CSMD1: variants seen among roughly 807,000 people sequenced by gnomAD.
The protein encoded by CSMD1 is CUB and Sushi multiple domains 1, also known as CUB and sushi domain-containing protein 1.
CSMD1 carries 213 observed loss-of-function variants against 417.5 expected under a neutral mutation model. The observed-to-expected ratio is 0.51, with a 90% confidence interval of 0.46 to 0.57. CSMD1 has a LOEUF of 0.57. Ranked by LOEUF, CSMD1 falls within the 20% of genes least tolerant of loss-of-function variation. The pLI is 0.00. For missense variants in CSMD1, 6,923 were observed against 4,529.7 expected (o/e 1.53, Z -15.17); for synonymous variants, 2,862 against 1,736.8 (o/e 1.65, Z -16.11).
At chr8:3,866,902 G>A (rs1048153163) in intron 5 of CSMD1, among the ~76,000 whole-genome samples, 1 of 152,164 alleles carries the variant, frequency 6.6e-6, no homozygotes, top group African/African-American at 2.4e-5. Context: ...ACATGGTGAT[G>A]TTTTCATACT....
intron 49 of CSMD1, among the ~76,000 whole-genome samples, chr8:3,061,832 G>T (rs569403444): frequency 6.6e-6 from 1 of 152,108 alleles, no homozygotes; most frequent in Admixed American, 6.5e-5. Flanking sequence ...CTACAAGATA[G>T]ACTCTATTTT....
At chr8:3,830,514 C>T (rs1457242503) in intron 5 of CSMD1, among the ~76,000 whole-genome samples, 1 of 152,192 alleles carries the variant, frequency 6.6e-6, no homozygotes, top group East Asian at 1.9e-4. Flanking sequence ...GTTGTGAAGA[C>T]TGTTATGTCC....
In CSMD1 at chr8:3,230,015, A is replaced by G. The variant is rs752110852; in HGVS notation, c.4345+25T>C. On this transcript the variant is annotated intron_variant, in intron 27 of 69. Transcript: ENST00000635120. Reference sequence around the variant, plus strand: ...ACATGCATCCATTCCTGAATATAAAATTTCTAAGTTCTGTTGTCTGATACC... The same window carrying G: ...ACATGCATCCATTCCTGAATATAAAGTTTCTAAGTTCTGTTGTCTGATACC... 16 of 1,475,998 alleles carry G rather than the reference A, an allele frequency of 1.1e-5. No individual in the cohort carries two copies. The East Asian group carries it at 3.6e-4, about 33-fold the overall frequency. The allele number at this position is 1,475,998 out of a possible 1,614,324, so 91.4% of individuals were successfully genotyped here.
At chr8:3,258,424 A>C (rs1210469211) in intron 26 of CSMD1, among the ~76,000 whole-genome samples, 2 of 152,352 alleles carry the variant, frequency 1.3e-5, no homozygotes, top group South Asian at 2.1e-4. Flanking sequence ...AATGGCTATT[A>C]CTGAAAAACC....
intron 7 of CSMD1, among the ~76,000 whole-genome samples, chr8:3,688,924 A>C (rs909399352): frequency 4.3e-4 from 66 of 152,200 alleles, no homozygotes; most frequent in African/African-American, 1.5e-3. Context: ...AAGTTAAAAA[A>C]AGTGAAAATT....
intron 3 of CSMD1, among the ~76,000 whole-genome samples, chr8:4,415,492 C>T (rs1796884548): frequency 6.6e-6 from 1 of 152,074 alleles, no homozygotes; most frequent in African/African-American, 2.4e-5. Flanking sequence ...TCTACATGGC[C>T]CACGTAGACC....
intron 3 of CSMD1, among the ~76,000 whole-genome samples, chr8:4,104,708 G>A (rs139077456): frequency 6.6e-6 from 1 of 152,188 alleles, no homozygotes; most frequent in Non-Finnish European, 1.5e-5. Context: ...CACAATAGCT[G>A]GCAACAGTCC....
chr8:4,240,701 A>G (rs1200784985), intron 3 of CSMD1, among the ~76,000 whole-genome samples: 1 of 152,188 alleles, frequency 6.6e-6, no homozygotes, highest in Admixed American at 6.5e-5. Context: ...ATGTACCACA[A>G]TTTAAAAAAT....
chr8:4,711,519 T>A (rs1808294862), intron 1 of CSMD1, among the ~76,000 whole-genome samples: 1 of 151,536 alleles, frequency 6.6e-6, no homozygotes, highest in Non-Finnish European at 1.5e-5. Context: ...GGGACATCTG[T>A]CCTGAAAAAA....
intron 2 of CSMD1, among the ~76,000 whole-genome samples, chr8:4,610,231 G>A (rs1051109777): frequency 4.6e-5 from 7 of 152,120 alleles, no homozygotes; most frequent in Admixed American, 3.9e-4. Flanking sequence ...AAGAAAGAGA[G>A]ACTAAATCCT....
At chr8:4,269,512 T>TA (rs1371006841) in intron 3 of CSMD1, among the ~76,000 whole-genome samples, 1 of 152,226 alleles carries the variant, frequency 6.6e-6, no homozygotes, top group Non-Finnish European at 1.5e-5. Context: ...AGCATGTTTT[T>TA]ATCTAACTAA....
intron 1 of CSMD1, among the ~76,000 whole-genome samples, chr8:4,799,611 AAAAAAAAAAAAAAAAAAG>A: frequency 6.7e-6 from 1 of 150,314 alleles, no homozygotes; most frequent in South Asian, 2.1e-4. Flanking sequence ...AAAAAAAAAA[AAAAAAAAAAAAAAAAAAG>A]TAATCCCTGG....
At chr8:3,309,482 A>G (rs1805157064) in intron 23 of CSMD1, among the ~76,000 whole-genome samples, 3 of 152,236 alleles carry the variant, frequency 2.0e-5, no homozygotes, top group Non-Finnish European at 1.5e-5. Context: ...GAAATAGATG[A>G]CAGAAATGAA....
intron 7 of CSMD1, among the ~76,000 whole-genome samples, chr8:3,662,172 A>C (rs1303922120): frequency 6.6e-6 from 1 of 152,224 alleles, no homozygotes; most frequent in Non-Finnish European, 1.5e-5. Context: ...TCACCAAGGA[A>C]AAGGTGTAAA....
chr8:3,515,436 T>G (rs1161601549), intron 10 of CSMD1: 1 of 152,228 alleles, frequency 6.6e-6, no homozygotes, highest in Non-Finnish European at 1.5e-5. Flanking sequence ...ACAAATTTGC[T>G]AACTAGAGAT....
intron 12 of CSMD1, among the ~76,000 whole-genome samples, chr8:3,427,191 C>A (rs1048986643): frequency 6.6e-6 from 1 of 152,074 alleles, no homozygotes; most frequent in African/African-American, 2.4e-5. Context: ...GCAGACTCAG[C>A]CAAACTATAT....
chr8:4,934,548 C>A (rs66508847), intron 1 of CSMD1, among the ~76,000 whole-genome samples: 3 of 151,844 alleles, frequency 2.0e-5, no homozygotes, highest in African/African-American at 7.3e-5. Context: ...CTACTAGGAA[C>A]GAGATGGAGA....
intron 3 of CSMD1, among the ~76,000 whole-genome samples, chr8:4,409,726 G>T (rs1303148539): frequency 1.3e-5 from 2 of 150,234 alleles, no homozygotes; most frequent in Non-Finnish European, 3.0e-5. Context: ...GGCTTCCCAA[G>T]ATGGCAAAGG....
chr8:3,734,537 C>G (rs542150662), intron 6 of CSMD1, among the ~76,000 whole-genome samples: 3 of 152,132 alleles, frequency 2.0e-5, no homozygotes, highest in South Asian at 2.1e-4. Context: ...TTGGTGAAAC[C>G]CTGTCTCTAC....
Sources: allele counts gnomAD v4.1 joint callset (sites outside exome capture counted in the v4.1 genomes callset), GRCh38; gene constraint gnomAD v4.1.1; transcripts MANE v1.5; gene names NCBI Gene and HGNC (gene_info 2026-07-23, HGNC 2026-07-21).